PDE10A: variants seen among roughly 807,000 people sequenced by gnomAD.
PDE10A encodes the protein cAMP and cAMP-inhibited cGMP 3',5'-cyclic phosphodiesterase 10A.
In PDE10A, 39 loss-of-function variants were observed where a neutral mutation model predicts 97.7. The ratio of observed to expected loss-of-function variants is 0.40; its 90% CI spans 0.31 to 0.52. The LOEUF (loss-of-function observed/expected upper bound fraction) is 0.52, where lower values mean the gene tolerates loss of function less well. PDE10A is among the 20% of genes least tolerant of loss of function. The pLI, the probability that PDE10A is intolerant of heterozygous loss-of-function variation, is 0.56. For synonymous variants in PDE10A, 371 were observed against 376.8 expected (o/e 0.98, Z 0.18); for missense variants, 731 against 1,047.8 (o/e 0.70, Z 4.17).
At chr6:165,849,733 G>A (rs1780523956) in intron 1 of PDE10A, among the ~76,000 whole-genome samples, 1 of 152,120 alleles carries the variant, frequency 6.6e-6, no homozygotes. Context: ...TTCTGAACAA[G>A]TCAAGCTAGC....
Position 165,371,786 on chromosome 6 carries a change from T to A in PDE10A, c.2783+7408A>T, listed in dbSNP as rs541149556. Among the ~76,000 whole-genome samples, 540 of 152,118 alleles carry A rather than the reference T, an allele frequency of 3.5e-3. 7 individuals are homozygous for A. Among genetic ancestry groups the A allele is most frequent in the Non-Finnish European group, 2.9e-3 (200 of 67,978 alleles). ...AGAGACACAACCAAAAAAGAGAATT[T>A]TAGACCAACATCCTTGATGAACATT... On this transcript the variant is annotated intron_variant, in intron 18 of 21. Transcript: ENST00000539869.
chr6:165,619,361 AGT>A (rs1787935569), intron 1 of PDE10A, among the ~76,000 whole-genome samples: 1 of 123,010 alleles, frequency 8.1e-6, no homozygotes, highest in Non-Finnish European at 1.8e-5. Flanking sequence ...AGTGTAGTCT[AGT>A]GTAGTGTGGT....
intron 1 of PDE10A, among the ~76,000 whole-genome samples, chr6:165,619,730 TAGTGTAGTCTAGTGC>T (rs796134021): frequency 2.0e-5 from 3 of 148,698 alleles, no homozygotes; most frequent in Non-Finnish European, 4.5e-5. Flanking sequence ...CAGTGTAGTG[TAGTGTAGTCTAGTGC>T]AGTGTAGTCT....
chr6:165,455,073 T>C lies in PDE10A; in HGVS notation c.1024-4711A>G, dbSNP rs558664250. Reference sequence around the variant, plus strand: ...AGCCATTTGCCTGGGTGACTGAATATCACGGGGGCAGGCAGAATTACTAGA... The same window carrying C: ...AGCCATTTGCCTGGGTGACTGAATACCACGGGGGCAGGCAGAATTACTAGA... On this transcript the variant is annotated intron_variant, in intron 3 of 21. Coordinates refer to ENST00000539869, the MANE Select transcript of PDE10A (RefSeq NM_001385079.1). Among the ~76,000 whole-genome samples, 8 of 152,258 alleles carry C rather than the reference T, an allele frequency of 5.3e-5. No homozygotes were observed. The East Asian group carries it at 1.5e-3, about 29-fold the overall frequency.
intron 1 of PDE10A, among the ~76,000 whole-genome samples, chr6:165,851,804 A>G (rs76348303): frequency 0.082 from 12,495 of 152,126 alleles, 560 homozygotes; most frequent in South Asian, 0.14. Flanking sequence ...ATTAAAAAAA[A>G]TACAGGCTGG....
At chr6:165,494,900 T>G (rs1780451084) in intron 2 of PDE10A, among the ~76,000 whole-genome samples, 2 of 152,210 alleles carry the variant, frequency 1.3e-5, no homozygotes, top group African/African-American at 4.8e-5. Context: ...CATCTCAATT[T>G]GCCTTTCAGG....
At chr6:165,480,047 AGTGTT>A (rs1184939268) in intron 3 of PDE10A, among the ~76,000 whole-genome samples, 1 of 152,198 alleles carries the variant, frequency 6.6e-6, no homozygotes, top group Non-Finnish European at 1.5e-5. Context: ...ATTAGTCTGT[AGTGTT>A]AAGGCTGCAA....
chr6:165,691,099 T>TCTCTCCC (rs34189554), intron 1 of PDE10A, among the ~76,000 whole-genome samples: 1 of 53,268 alleles, frequency 1.9e-5, no homozygotes, highest in African/African-American at 1.2e-4. Flanking sequence ...CTCTCTCTCT[T>TCTCTCCC]TCTCTCTCCC....
chr6:165,577,090 AG>A (rs1257264995), intron 1 of PDE10A, among the ~76,000 whole-genome samples: 3 of 152,356 alleles, frequency 2.0e-5, no homozygotes, highest in African/African-American at 7.2e-5. Context: ...AAAGGGTGTG[AG>A]TAACTGAATC....
intron 1 of PDE10A, among the ~76,000 whole-genome samples, chr6:165,809,835 A>G (rs73243820): frequency 0.23 from 34,650 of 152,076 alleles, 4,690 homozygotes; most frequent in African/African-American, 0.39. Context: ...TCGCAACACA[A>G]TGCACAGCCT....
Position 165,413,658 on chromosome 6 carries a change from G to T in PDE10A, c.1919C>A (p.Thr640Lys). 1 of 1,614,128 alleles carries T rather than the reference G, an allele frequency of 6.2e-7. No homozygotes were observed. Among genetic ancestry groups the T allele is most frequent in the East Asian group, 2.2e-5 (1 of 44,878 alleles). ...REVDLYTGYTTRNILCMPIVS... is the reference protein window; with the variant it reads ...REVDLYTGYTKRNILCMPIVS... ...GATGGGCATGCACAGGATGTTCCGC[G>T]TGGTGTAGCCTGTGTACAAGTCTAC... The change falls in exon 13 of 22, where the codon ACG becomes AAG. Residue 640 changes from threonine to lysine, a missense_variant. Coordinates refer to ENST00000539869, the MANE Select transcript of PDE10A (RefSeq NM_001385079.1).
At chr6:165,515,415 TA>T (rs1446899698) in intron 2 of PDE10A, among the ~76,000 whole-genome samples, 19 of 151,882 alleles carry the variant, frequency 1.3e-4, no homozygotes, top group African/African-American at 4.6e-4. Flanking sequence ...CATAAAAACA[TA>T]AAATGTATAC....
Position 165,773,638 on chromosome 6 carries a change from C to T in PDE10A, c.-615+213891G>A, listed in dbSNP as rs58964102. 1.2e-4 allele frequency among the ~76,000 whole-genome samples: 18 copies of T among 152,182 alleles called. No homozygotes were observed. In the South Asian group the frequency reaches 3.5e-3, roughly 30 times the overall value. Reference sequence around the variant, plus strand: ...CCCTGACTCAAGCGCATGCAATAAACGAATTCACTATTGATAAAAGATTAG... The same window carrying T: ...CCCTGACTCAAGCGCATGCAATAAATGAATTCACTATTGATAAAAGATTAG... On this transcript the variant is annotated intron_variant, in intron 1 of 19. Transcript: ENST00000366882.
At chr6:165,913,267 A>G (rs950528340) in intron 1 of PDE10A, among the ~76,000 whole-genome samples, 3 of 122,684 alleles carry the variant, frequency 2.4e-5, no homozygotes, top group African/African-American at 3.4e-5. Flanking sequence ...AAGGACACTC[A>G]ACTTGTACAC....
intron 1 of PDE10A, among the ~76,000 whole-genome samples, chr6:165,726,134 G>C (rs750483167): frequency 6.6e-6 from 1 of 152,142 alleles, no homozygotes; most frequent in Non-Finnish European, 1.5e-5. Context: ...GAGAGTCGAG[G>C]AGCTGTGTAG....
chr6:165,345,484 G>T (rs1429297463), intron 18 of PDE10A, among the ~76,000 whole-genome samples: 1 of 152,146 alleles, frequency 6.6e-6, no homozygotes, highest in Admixed American at 6.5e-5. Flanking sequence ...TATTAATTGG[G>T]ATCAACATTT....
chr6:165,861,841 T>C lies in PDE10A; in HGVS notation c.-615+125688A>G, dbSNP rs117148975. On this transcript the variant is annotated intron_variant, in intron 1 of 19. Coordinates refer to the PDE10A transcript ENST00000366882. Reference sequence around the variant, plus strand: ...CCTCCTCTCTGGATGCATATTTCCATAGGCAGACAAAAATCAGTTGCACAC... The same window carrying C: ...CCTCCTCTCTGGATGCATATTTCCACAGGCAGACAAAAATCAGTTGCACAC... Among the ~76,000 whole-genome samples the C allele has an allele frequency of 9.2e-5, 14 of 152,288 alleles. No homozygotes were observed. In the East Asian group the frequency reaches 2.1e-3, roughly 23 times the overall value.
chr6:165,613,048 G>A (rs975153647), intron 1 of PDE10A, among the ~76,000 whole-genome samples: 2 of 152,104 alleles, frequency 1.3e-5, no homozygotes, highest in Non-Finnish European at 2.9e-5. Context: ...TTTATCTAGA[G>A]GATAGTTTAT....
chr6:165,792,230 G>C (rs1161369684), intron 1 of PDE10A, among the ~76,000 whole-genome samples: 2 of 152,186 alleles, frequency 1.3e-5, no homozygotes, highest in Non-Finnish European at 2.9e-5. Flanking sequence ...CTACCAACCA[G>C]GCCGGGTTTT....
Sources: allele counts gnomAD v4.1 joint callset (sites outside exome capture counted in the v4.1 genomes callset), GRCh38; gene constraint gnomAD v4.1.1; transcripts MANE v1.5; gene names NCBI Gene and HGNC (gene_info 2026-07-23, HGNC 2026-07-21).